The following DCC variants were observed in gnomAD, a reference collection of about 807,000 sequenced individuals.
The protein encoded by DCC is DCC netrin 1 receptor, also known as netrin receptor DCC.
DCC carries 58 observed loss-of-function variants against 172.5 expected under a neutral mutation model. The observed-to-expected ratio is 0.34, with a 90% CI of 0.27 to 0.42. DCC has a LOEUF of 0.42. Among genes scored for constraint, DCC ranks in the 10% least tolerant of loss-of-function variants. The pLI, the probability that DCC is intolerant of heterozygous loss-of-function variation, is 1.00. For missense variants in DCC, 1,740 were observed against 1,791.0 expected, an observed-to-expected ratio of 0.97 and a Z score of 0.51; for synonymous variants, 709 against 644.5, an observed-to-expected ratio of 1.10 and a Z score of -1.52.
At chr18:53,326,312 A>G (rs2057467390) in intron 14 of DCC, among the ~76,000 whole-genome samples, 2 of 152,336 alleles carry the variant, frequency 1.3e-5, no homozygotes, top group East Asian at 3.9e-4. Flanking sequence ...GAAAACTGAA[A>G]GCCATTTCAG....
At chr18:53,373,896 A>C (rs2058085012) in intron 15 of DCC, among the ~76,000 whole-genome samples, 1 of 152,182 alleles carries the variant, frequency 6.6e-6, no homozygotes, top group Non-Finnish European at 1.5e-5. Flanking sequence ...TGATATATGT[A>C]TGCAAACTAT....
intron 2 of DCC, among the ~76,000 whole-genome samples, chr18:52,804,074 GC>G (rs546257991): frequency 2.2e-4 from 33 of 152,198 alleles, no homozygotes; most frequent in African/African-American, 7.5e-4. Flanking sequence ...TGATAACCTG[GC>G]CCCTGTACAA....
At chr18:52,776,745 G>A (rs1162527714) in intron 2 of DCC, among the ~76,000 whole-genome samples, 2 of 152,136 alleles carry the variant, frequency 1.3e-5, no homozygotes, top group East Asian at 3.9e-4. Context: ...GTCTCCCTGT[G>A]ACTCCTCAAC....
At position 52,867,793 on chromosome 18, in the gene DCC, C is replaced by A. The variant is rs551828772; in HGVS notation, c.413-38251C>A. ...TATAGCGTTCTAAAAGAAATTCTTTCAAATCTACTGCAATGTGGAGTAGAC... is the reference window on the plus strand; with the variant it reads ...TATAGCGTTCTAAAAGAAATTCTTTAAAATCTACTGCAATGTGGAGTAGAC... On this transcript the variant is annotated intron_variant, in intron 2 of 28. Coordinates refer to ENST00000442544, the MANE Select transcript of DCC (RefSeq NM_005215.4). Among the ~76,000 whole-genome samples the A allele has an allele frequency of 2.1e-3, 324 of 152,144 alleles. 2 individuals are homozygous for A. Among genetic ancestry groups the A allele is most frequent in the African/African-American group, 7.4e-3 (308 of 41,530 alleles).
chr18:53,177,939 C>A (rs965658779), intron 8 of DCC, among the ~76,000 whole-genome samples: 1 of 151,976 alleles, frequency 6.6e-6, no homozygotes, highest in African/African-American at 2.4e-5. Context: ...TCTAATTTTC[C>A]CTGGCAGAAA....
At position 53,337,540 on chromosome 18, in the gene DCC, G is replaced by A. The variant is rs78607691; in HGVS notation, c.2165-2173G>A. 5.2e-4 allele frequency among the ~76,000 whole-genome samples: 79 copies of A among 152,116 alleles called. 1 individual carries two copies. The East Asian group carries it at 5.8e-3, about 11-fold the overall frequency. On this transcript the variant is annotated intron_variant, in intron 14 of 28. Transcript: ENST00000442544. ...TTCTGCTGTTAAGGCTTATATCCAC[G>A]TTTTGAGACATAATTTTTTTATGAT...
At chr18:52,753,180 G>T (rs1202187535) in intron 2 of DCC, among the ~76,000 whole-genome samples, 1 of 152,010 alleles carries the variant, frequency 6.6e-6, no homozygotes, top group Non-Finnish European at 1.5e-5. Context: ...TCTAATTTTA[G>T]TTTTTTGAGA....
At chr18:52,648,737 T>C (rs889495444) in intron 1 of DCC, among the ~76,000 whole-genome samples, 4 of 152,170 alleles carry the variant, frequency 2.6e-5, no homozygotes, top group South Asian at 4.2e-4. Context: ...AAAAATAAAC[T>C]TGAAAATTAC....
At chr18:53,317,200 A>G (rs762875334) in intron 13 of DCC, among the ~76,000 whole-genome samples, 34 of 152,300 alleles carry the variant, frequency 2.2e-4, no homozygotes, top group Non-Finnish European at 4.4e-4. Context: ...TATGGAGGTA[A>G]TCATGTAGGT....
intron 7 of DCC, among the ~76,000 whole-genome samples, chr18:53,127,013 C>A (rs74935277): frequency 6.6e-6 from 1 of 152,002 alleles, no homozygotes; most frequent in African/African-American, 2.4e-5. Context: ...CAAAGTCTGG[C>A]AATTGTAGGT....
At chr18:53,452,610 G>T (rs1301627596) in intron 23 of DCC, among the ~76,000 whole-genome samples, 1 of 152,156 alleles carries the variant, frequency 6.6e-6, no homozygotes, top group Non-Finnish European at 1.5e-5. Context: ...GAGACTCTGA[G>T]CCCTGAGTAT....
intron 12 of DCC, among the ~76,000 whole-genome samples, chr18:53,233,721 G>C (rs1044602655): frequency 6.6e-6 from 1 of 152,186 alleles, no homozygotes; most frequent in African/African-American, 2.4e-5. Flanking sequence ...CTTCATGATT[G>C]TTATAAACAC....
intron 1 of DCC, among the ~76,000 whole-genome samples, chr18:52,448,580 G>A (rs532504355): frequency 3.9e-5 from 6 of 152,236 alleles, no homozygotes; most frequent in South Asian, 4.1e-4. Flanking sequence ...GCCCAGAACC[G>A]ATTGAAATGG....
intron 2 of DCC, among the ~76,000 whole-genome samples, chr18:52,838,279 G>T (rs1241141089): frequency 6.6e-6 from 1 of 152,096 alleles, no homozygotes; most frequent in East Asian, 1.9e-4. Flanking sequence ...GTTCTACCAA[G>T]AATATTTTAT....
At chr18:52,994,112 A>C (rs2145627483) in intron 5 of DCC, among the ~76,000 whole-genome samples, 1 of 152,150 alleles carries the variant, frequency 6.6e-6, no homozygotes, top group Non-Finnish European at 1.5e-5. Context: ...CTATTGCTTA[A>C]CTCTCTTACA....
At chr18:52,762,559 C>T (rs187049095) in intron 2 of DCC, among the ~76,000 whole-genome samples, 4 of 152,152 alleles carry the variant, frequency 2.6e-5, no homozygotes, top group Admixed American at 2.6e-4. Context: ...AGTGGTGGCT[C>T]ATGCCTGTAA....
intron 5 of DCC, among the ~76,000 whole-genome samples, chr18:52,939,601 C>T (rs1038397455): frequency 7.9e-5 from 12 of 152,142 alleles, no homozygotes; most frequent in Non-Finnish European, 2.9e-5. Flanking sequence ...CCATTATGTG[C>T]CAGGCACTTT....
At chr18:53,194,451 G>T (rs1230391757) in intron 9 of DCC, among the ~76,000 whole-genome samples, 1 of 151,498 alleles carries the variant, frequency 6.6e-6, no homozygotes, top group African/African-American at 2.4e-5. Context: ...GTGGTTTTTT[G>T]TTGTTGTTGT....
Position 53,469,069 on chromosome 18 carries a change from A to G in DCC, c.3736+1059A>G, listed in dbSNP as rs572827133. ...CTGCTCACTTTATTGCCCCCTTGCC[A>G]TCAATTCTTCAATCCCACCAGGACC... On this transcript the variant is annotated intron_variant, in intron 25 of 28. Transcript: ENST00000442544. 2.5e-4 allele frequency among the ~76,000 whole-genome samples: 38 copies of G among 152,242 alleles called. 1 individual carries two copies. The South Asian group carries it at 7.0e-3, about 28-fold the overall frequency.
Sources: gnomAD v4.1 joint callset for allele counts (sites outside exome capture counted in the v4.1 genomes callset) on GRCh38, gnomAD v4.1.1 for gene constraint, MANE v1.5 for transcripts, NCBI Gene and HGNC (gene_info 2026-07-23, HGNC 2026-07-21) for gene names.